Variants in GRIA4 observed in about 807,000 individuals in gnomAD.
GRIA4 encodes the protein glutamate receptor 4.
A neutral mutation model predicts 104.0 loss-of-function variants in GRIA4; 34 were observed. The observed-to-expected ratio is 0.33, with a 90% CI of 0.25 to 0.44. The LOEUF is 0.44. GRIA4 is among the 20% of genes least tolerant of loss of function. GRIA4 has a pLI of 1.00. For missense variants in GRIA4, 750 were observed against 1,096.5 expected, an observed-to-expected ratio of 0.68 and a Z score of 4.46; for synonymous variants, 386 against 381.9, an observed-to-expected ratio of 1.01 and a Z score of -0.13.
At chr11:105,664,310 C>T (rs1952100689) in intron 3 of GRIA4, among the ~76,000 whole-genome samples, 1 of 150,232 alleles carries the variant, frequency 6.7e-6, no homozygotes. Context: ...ATCAAATGAA[C>T]TTGCCGAGTT....
rs186447417 is a variant in GRIA4 at position 105,841,669 on chromosome 11, C to T, written c.488-20355C>T. ...TAGGTTTTGTACATTTTCTTGTCAT[C>T]CTGACTTGTTAAAATAAAGACTTGG... On this transcript the variant is annotated intron_variant, in intron 4 of 16. Coordinates refer to ENST00000282499, the MANE Select transcript of GRIA4 (RefSeq NM_000829.4). 1.5e-3 allele frequency among the ~76,000 whole-genome samples: 235 copies of T among 152,212 alleles called. 1 individual carries two copies. Among genetic ancestry groups the T allele is most frequent in the African/African-American group, 5.2e-3 (217 of 41,538 alleles).
chr11:105,803,101 C>T (rs73554208), intron 4 of GRIA4, among the ~76,000 whole-genome samples: 13,434 of 151,994 alleles, frequency 0.088, 1,437 homozygotes, highest in African/African-American at 0.25. Flanking sequence ...TCTTTTATTA[C>T]ATTAATATCT....
At position 105,764,467 on chromosome 11, in the gene GRIA4, AC is replaced by A. The variant is rs770172698; in HGVS notation, c.487+11249del. On this transcript the variant is annotated intron_variant, in intron 4 of 16. Transcript: ENST00000282499. ...TATTTCATGTTGTGAAGTTTATATT[AC>A]CTACATTATTTCTGCTTTCACTCAA... 5.9e-5 allele frequency among the ~76,000 whole-genome samples: 9 copies of A among 152,314 alleles called. No individual in the cohort carries two copies. The East Asian group carries it at 1.2e-3, about 20-fold the overall frequency.
chr11:105,974,038 G>T (rs3819079), intron 15 of GRIA4, among the ~76,000 whole-genome samples: 9,937 of 152,056 alleles, frequency 0.065, 447 homozygotes, highest in East Asian at 0.15. Flanking sequence ...AAGTATAATG[G>T]TTTTCATTGC....
At chr11:105,696,063 C>A (rs982811487) in intron 3 of GRIA4, among the ~76,000 whole-genome samples, 1 of 152,184 alleles carries the variant, frequency 6.6e-6, no homozygotes, top group Non-Finnish European at 1.5e-5. Context: ...AAGGCATCAA[C>A]CTCTCTTTTA....
chr11:105,625,012 T>G (rs909031999), intron 3 of GRIA4, among the ~76,000 whole-genome samples: 5 of 152,088 alleles, frequency 3.3e-5, no homozygotes, highest in Non-Finnish European at 5.9e-5. Flanking sequence ...GATTATAAAT[T>G]TAAAAATGTG....
At chr11:105,786,638 T>C (rs1420949529) in intron 4 of GRIA4, among the ~76,000 whole-genome samples, 1 of 152,142 alleles carries the variant, frequency 6.6e-6, no homozygotes, top group Non-Finnish European at 1.5e-5. Flanking sequence ...GAGGGAAAAA[T>C]CTTTCCCCCA....
chr11:105,861,143 G>C (rs557519337), intron 4 of GRIA4, among the ~76,000 whole-genome samples: 3 of 151,846 alleles, frequency 2.0e-5, no homozygotes, highest in Non-Finnish European at 4.4e-5. Flanking sequence ...TCAAGAACAG[G>C]GTGAAGACCA....
intron 14 of GRIA4, among the ~76,000 whole-genome samples, chr11:105,969,858 A>G (rs1858593439): frequency 6.6e-6 from 1 of 152,148 alleles, no homozygotes; most frequent in Non-Finnish European, 1.5e-5. Context: ...ACCTACTCTG[A>G]GTCAGCTACT....
intron 5 of GRIA4, among the ~76,000 whole-genome samples, chr11:105,869,374 C>T (rs890309263): frequency 6.6e-6 from 1 of 151,932 alleles, no homozygotes; most frequent in African/African-American, 2.4e-5. Context: ...GCTTCTTTTA[C>T]AAAGATAAAG....
intron 4 of GRIA4, among the ~76,000 whole-genome samples, chr11:105,785,490 T>C (rs778512095): frequency 3.3e-5 from 5 of 152,190 alleles, no homozygotes; most frequent in Non-Finnish European, 5.9e-5. Context: ...AAAGTACCAA[T>C]GGGCATCAAT....
At chr11:105,796,942 A>G (rs1185567518) in intron 4 of GRIA4, among the ~76,000 whole-genome samples, 2 of 152,128 alleles carry the variant, frequency 1.3e-5, no homozygotes, top group Non-Finnish European at 2.9e-5. Flanking sequence ...ATACATAAAA[A>G]TACCGCTGGC....
chr11:105,743,036 T>G (rs1939414585), intron 3 of GRIA4, among the ~76,000 whole-genome samples: 1 of 152,156 alleles, frequency 6.6e-6, no homozygotes, highest in Non-Finnish European at 1.5e-5. Context: ...CAGATTTTTA[T>G]GTTCTGTGTG....
At chr11:105,822,212 AGT>A (rs1236724643) in intron 4 of GRIA4, among the ~76,000 whole-genome samples, 4 of 152,126 alleles carry the variant, frequency 2.6e-5, no homozygotes, top group Admixed American at 2.6e-4. Context: ...ATCAAGATAA[AGT>A]TTAAATGCCA....
At chr11:105,613,008 G>A (rs1950518108) in intron 3 of GRIA4, 1 of 152,534 alleles carries the variant, frequency 6.6e-6, no homozygotes, top group South Asian at 2.1e-4. Context: ...ATATTCTGGG[G>A]TGTAAATGTC....
intron 4 of GRIA4, among the ~76,000 whole-genome samples, chr11:105,828,662 T>TAAA: frequency 7.3e-6 from 1 of 137,370 alleles, no homozygotes. Context: ...AATGTTTTCA[T>TAAA]AAAAAAAAAA....
chr11:105,629,198 A>G (rs1177897197), intron 3 of GRIA4, among the ~76,000 whole-genome samples: 1 of 151,700 alleles, frequency 6.6e-6, no homozygotes, highest in Non-Finnish European at 1.5e-5. Flanking sequence ...CTATGATTGT[A>G]CTCCAGGCTG....
At chr11:105,797,837 T>C (rs1942550473) in intron 4 of GRIA4, 1 of 455,388 alleles carries the variant, frequency 2.2e-6, no homozygotes. Flanking sequence ...ACTGCTTGCC[T>C]TTTAGGGCCT....
At chr11:105,802,164 C>A (rs1942746956) in intron 4 of GRIA4, among the ~76,000 whole-genome samples, 1 of 152,042 alleles carries the variant, frequency 6.6e-6, no homozygotes, top group Non-Finnish European at 1.5e-5. Context: ...GTTCTAGAGG[C>A]TGGTGGTGAG....
Sources: gnomAD v4.1 joint callset for allele counts (sites outside exome capture counted in the v4.1 genomes callset) on GRCh38, gnomAD v4.1.1 for gene constraint, MANE v1.5 for transcripts, NCBI Gene and HGNC (gene_info 2026-07-23, HGNC 2026-07-21) for gene names.